WDFY1: variants seen among roughly 807,000 people sequenced by gnomAD.
The protein encoded by WDFY1 is WD repeat and FYVE domain-containing protein 1.
In WDFY1, 32 loss-of-function variants were observed where a neutral mutation model predicts 56.4. That is an observed-to-expected ratio of 0.57 (90% CI 0.43 to 0.76). The LOEUF is 0.76. Ranked by LOEUF, WDFY1 falls within the 30% of genes least tolerant of loss-of-function variation. WDFY1 has a pLI of 0.00. For synonymous variants in WDFY1, 192 were observed against 197.3 expected (o/e 0.97, Z 0.23); for missense variants, 480 against 545.7 (o/e 0.88, Z 1.20).
At chr2:223,909,230 C>G (rs1163568629) in intron 3 of WDFY1, among the ~76,000 whole-genome samples, 1 of 152,146 alleles carries the variant, frequency 6.6e-6, no homozygotes, top group Non-Finnish European at 1.5e-5. Flanking sequence ...GCCGGGGAAT[C>G]TGTATTTTAG....
At chr2:223,893,229 A>G (rs1330855816) in intron 8 of WDFY1, among the ~76,000 whole-genome samples, 1 of 152,154 alleles carries the variant, frequency 6.6e-6, no homozygotes, top group African/African-American at 2.4e-5. Context: ...AAATATTTAA[A>G]AAAGAGAATG....
intron 1 of WDFY1, among the ~76,000 whole-genome samples, chr2:223,918,468 A>G (rs939091275): frequency 2.0e-5 from 3 of 152,062 alleles, no homozygotes; most frequent in African/African-American, 7.2e-5. Context: ...GTCTACTAAA[A>G]ATACAAAAAA....
In WDFY1 at chr2:223,895,559, T is replaced by C; in HGVS notation, c.670A>G (p.Ile224Val). ...LFSGASDNSI[I>V]MWDIGGRKGR... is the part of the protein sequence containing the mutation. ...TTCCTTCCTCCGATGTCCCACATGA[T>C]GATGCTGTTGTCAGATGCTCCTGAG... Residue 224 changes from isoleucine (I) to valine (V), a missense_variant, in exon 7 of 12, where the codon ATC becomes GTC. Physicochemically the swap from Ile to Val is conservative, Grantham distance 29. Transcript: ENST00000233055. 1.9e-6 allele frequency: 3 copies of C among 1,614,036 alleles called. No individual in the cohort carries two copies. Among genetic ancestry groups the C allele is most frequent in the Non-Finnish European group, 2.5e-6 (3 of 1,179,964 alleles).
At chr2:223,901,710 C>T (rs150220477) in intron 4 of WDFY1, among the ~76,000 whole-genome samples, 2 of 151,834 alleles carry the variant, frequency 1.3e-5, no homozygotes, top group African/African-American at 4.8e-5. Flanking sequence ...ATGTGGAAAG[C>T]AGCAGTTGTA....
At chr2:223,917,142 G>A (rs1693801095) in intron 2 of WDFY1, among the ~76,000 whole-genome samples, 1 of 152,168 alleles carries the variant, frequency 6.6e-6, no homozygotes, top group African/African-American at 2.4e-5. Flanking sequence ...TCTCAAAGCA[G>A]AAGATTCATC....
chr2:223,903,639 AC>A lies in WDFY1; in HGVS notation c.334+2307del, dbSNP rs1693544590. On this transcript the variant is annotated intron_variant, in intron 4 of 11. Coordinates refer to ENST00000233055, the MANE Select transcript of WDFY1 (RefSeq NM_020830.5). The stretch of plus-strand genomic sequence containing the variant: ...AAAGATGAAAAATACACACACACAC[AC>A]GTTTTTTGTTTTTTTTTTTTTAAAA... Among the ~76,000 whole-genome samples, 4 of 107,260 alleles carry A rather than the reference AC, an allele frequency of 3.7e-5. No homozygotes were observed. In the South Asian group the frequency reaches 1.4e-3, roughly 38 times the overall value. The allele number at this position is 107,260 out of a possible 152,430, so 70.4% of individuals were successfully genotyped here.
intron 2 of WDFY1, among the ~76,000 whole-genome samples, chr2:223,916,730 G>C (rs922148076): frequency 1.3e-5 from 2 of 152,118 alleles, no homozygotes; most frequent in African/African-American, 4.8e-5. Flanking sequence ...GAAAGGAAGT[G>C]GGAGACAAGG....
At chr2:223,920,952 T>C (rs952810323) in intron 1 of WDFY1, among the ~76,000 whole-genome samples, 1 of 152,202 alleles carries the variant, frequency 6.6e-6, no homozygotes, top group Non-Finnish European at 1.5e-5. Context: ...AAGTCTGTTT[T>C]TCTTTATTAA....
chr2:223,919,772 G>C (rs1559172191), intron 1 of WDFY1, among the ~76,000 whole-genome samples: 1 of 152,188 alleles, frequency 6.6e-6, no homozygotes, highest in Non-Finnish European at 1.5e-5. Context: ...CCTAAATATT[G>C]ATACCATATG....
intron 8 of WDFY1, among the ~76,000 whole-genome samples, chr2:223,889,494 T>C (rs952347246): frequency 1.3e-5 from 2 of 152,148 alleles, no homozygotes; most frequent in South Asian, 4.1e-4. Context: ...GTTTTTCCCA[T>C]GCTATTCTCC....
rs536444237 is a variant in WDFY1 at position 223,895,603 on chromosome 2, G to C, written c.626C>G (p.Pro209Arg). 2 of 1,613,966 alleles carry C rather than the reference G, an allele frequency of 1.2e-6. No homozygotes were observed. Among genetic ancestry groups the C allele is most frequent in the African/African-American group, 2.7e-5 (2 of 75,010 alleles). The change falls in exon 7 of 12, where the codon CCT becomes CGT. Residue 209 changes from proline to arginine, a missense_variant. Physicochemically the swap from Pro to Arg is moderately radical, Grantham distance 103. Transcript: ENST00000233055. ...EGSVACLWWD[P>R]IQRLLFSGAS... Reference sequence around the variant, plus strand: ...TCCTGAGAAGAGTAACCGCTGAATAGGGTCCCACCAGAGGCAGGCGACACT... The same window carrying C: ...TCCTGAGAAGAGTAACCGCTGAATACGGTCCCACCAGAGGCAGGCGACACT...
Position 223,884,690 on chromosome 2 carries a change from G to A in WDFY1, c.891C>T (p.Asn297=). The change falls in exon 9 of 12, where the codon AAC becomes AAT. Residue 297 remains asparagine, a synonymous_variant. Coordinates refer to ENST00000233055, the MANE Select transcript of WDFY1 (RefSeq NM_020830.5). ...TCTTGGTGTCCCACATCTGCTTTAT[G>A]TTCCAGAAAAATGGCTGCTCACATT... ...CQKCEQPFFW[N]IKQMWDTKTL... 1 of 1,614,092 alleles carries A rather than the reference G, an allele frequency of 6.2e-7. No individual in the cohort carries two copies. Among genetic ancestry groups the A allele is most frequent in the Non-Finnish European group, 8.5e-7 (1 of 1,180,004 alleles).
chr2:223,881,956 G>A lies in WDFY1; in HGVS notation c.1050C>T (p.Ser350=). The change falls in exon 10 of 12, where the codon TCC becomes TCT. Residue 350 remains serine (S), a synonymous_variant. Transcript: ENST00000233055. ...CAAACACTCACTCTTCATCTTTGAT[G>A]GAGTCGTAACAAGAATCACAAACCC... ...QVRVCDSCYD[S]IKDEDRTSLA... is the part of the protein sequence containing the mutation. 6.2e-7 allele frequency: 1 copy of A among 1,613,710 alleles called. No homozygotes were observed. The highest frequency in any genetic ancestry group is 1.3e-5 in the African/African-American group (1 of 75,024).
Position 223,912,342 on chromosome 2 carries a change from A to C in WDFY1, c.206-16T>G, listed in dbSNP as rs1232524988. 1.3e-6 allele frequency: 2 copies of C among 1,592,256 alleles called. No individual in the cohort carries two copies. The highest frequency in any genetic ancestry group is 2.2e-5 in the East Asian group (1 of 44,710). Reference sequence around the variant, plus strand: ...GAGCAAGGAGCTGCCAGAAAGACAAAGACCACATTACCAGCAAAGCTAAGC... The same window carrying C: ...GAGCAAGGAGCTGCCAGAAAGACAACGACCACATTACCAGCAAAGCTAAGC... On this transcript the variant is annotated splice_polypyrimidine_tract_variant and intron_variant, in intron 2 of 11. Coordinates refer to ENST00000233055, the MANE Select transcript of WDFY1 (RefSeq NM_020830.5).
chr2:223,895,554 C>T lies in WDFY1; in HGVS notation c.675G>A (p.Met225Ile), dbSNP rs758219037. The T allele has an allele frequency of 1.2e-6, 2 of 1,614,068 alleles. No individual in the cohort carries two copies. Among genetic ancestry groups the T allele is most frequent in the South Asian group, 1.1e-5 (1 of 91,084 alleles). The change falls in exon 7 of 12, where the codon ATG becomes ATA. Residue 225 changes from methionine to isoleucine, a missense_variant. Met to Ile is a conservative substitution (Grantham distance 10). Transcript: ENST00000233055. ...GGCCTTTCCTTCCTCCGATGTCCCA[C>T]ATGATGATGCTGTTGTCAGATGCTC... ...FSGASDNSII[M>I]WDIGGRKGRT...
chr2:223,945,083 AC>A, intron 1 of WDFY1, 64 bp downstream of exon 1: 1 of 1,488,956 alleles, frequency 6.7e-7, no homozygotes. Context: ...GGGGCCGCGG[AC>A]CCCACCGCCC....
In WDFY1 at chr2:223,895,589, G is replaced by C; in HGVS notation, c.640C>G (p.Leu214Val). The change falls in exon 7 of 12, where the codon CTC becomes GTC. Residue 214 changes from leucine to valine, a missense_variant. By Grantham distance (32) the Leu-to-Val change is conservative. Coordinates refer to ENST00000233055, the MANE Select transcript of WDFY1 (RefSeq NM_020830.5). ...CTGTTGTCAGATGCTCCTGAGAAGA[G>C]TAACCGCTGAATAGGGTCCCACCAG... ...CLWWDPIQRL[L>V]FSGASDNSII... 6.2e-7 allele frequency: 1 copy of C among 1,614,002 alleles called. No individual in the cohort carries two copies. The highest frequency in any genetic ancestry group is 1.3e-5 in the African/African-American group (1 of 74,996).
Position 223,876,486 on chromosome 2 carries a change from T to C in WDFY1, c.*2185A>G, listed in dbSNP as rs1335552737. 7 of 152,538 alleles carry C rather than the reference T, an allele frequency of 4.6e-5. No individual in the cohort carries two copies. The highest frequency in any genetic ancestry group is 8.8e-5 in the Non-Finnish European group (6 of 68,014). 9.4% of individuals were successfully genotyped at this position (152,538 alleles called of 1,614,324 possible). ...CGTTTGTCTCTAAAAAGAAAAATGA[T>C]AGGCCTGGTGGAGAGCAAGCTATAT... On this transcript the variant is annotated 3_prime_UTR_variant, in exon 12 of 12. Coordinates refer to ENST00000233055, the MANE Select transcript of WDFY1 (RefSeq NM_020830.5).
rs531616375 is a variant in WDFY1, at chr2:223,942,112, T to G, written c.137+3036A>C. Among the ~76,000 whole-genome samples, 3 of 152,318 alleles carry G rather than the reference T, an allele frequency of 2.0e-5. No homozygotes were observed. In the East Asian group the frequency reaches 5.8e-4, roughly 29 times the overall value. ...GTCCCAGAGCAGCTTAGTAATCACT[T>G]TCCAAAAACATTTATCAGCACTGCT... On this transcript the variant is annotated intron_variant, in intron 1 of 11. Transcript: ENST00000233055.
Sources: allele counts gnomAD v4.1 joint callset (sites outside exome capture counted in the v4.1 genomes callset), GRCh38; gene constraint gnomAD v4.1.1; transcripts MANE v1.5; gene names NCBI Gene and HGNC (gene_info 2026-07-23, HGNC 2026-07-21).